Variants in PPP1R12A observed in about 807,000 individuals in gnomAD.
PPP1R12A encodes myosin binding subunit.
A neutral mutation model predicts 139.6 loss-of-function variants in PPP1R12A; 19 were observed. The ratio of observed to expected loss-of-function variants is 0.14; its 90% CI spans 0.09 to 0.20. The LOEUF (loss-of-function observed/expected upper bound fraction) is 0.20, where lower values mean the gene tolerates loss of function less well. PPP1R12A is among the 10% of genes least tolerant of loss of function. The pLI, the probability that PPP1R12A is intolerant of heterozygous loss-of-function variation, is 1.00. For synonymous variants in PPP1R12A, 427 were observed against 420.6 expected, an observed-to-expected ratio of 1.02 and a Z score of -0.19; for missense variants, 925 against 1,211.5, an observed-to-expected ratio of 0.76 and a Z score of 3.51.
intron 2 of PPP1R12A, among the ~76,000 whole-genome samples, chr12:79,849,998 A>AC (rs1177682899): frequency 6.6e-6 from 1 of 152,056 alleles, no homozygotes; most frequent in Non-Finnish European, 1.5e-5. Flanking sequence ...TAAATTTAAA[A>AC]AAAAAAAAAT....
At chr12:79,933,088 A>T (rs188373488) in intron 1 of PPP1R12A, among the ~76,000 whole-genome samples, 332 of 152,326 alleles carry the variant, frequency 2.2e-3, no homozygotes, top group Middle Eastern at 0.01. Context: ...TGGTTTTAAA[A>T]TTTTACGAGT....
intron 2 of PPP1R12A, among the ~76,000 whole-genome samples, chr12:79,854,078 T>G (rs1475942555): frequency 6.6e-6 from 1 of 152,290 alleles, no homozygotes; most frequent in East Asian, 1.9e-4. Context: ...GTCTGAAAAC[T>G]TTATGTTGAT....
At chr12:79,872,754 A>T (rs778307986) in intron 2 of PPP1R12A, 54 bp downstream of exon 2, 9 of 1,562,352 alleles carry the variant, frequency 5.8e-6, no homozygotes, top group Non-Finnish European at 7.9e-6. Flanking sequence ...TTCAATAAAC[A>T]TTCAGGTCTG....
chr12:79,797,153 T>A, intron 16 of PPP1R12A, 42 bp downstream of exon 16: 2 of 1,482,340 alleles, frequency 1.3e-6, no homozygotes, highest in East Asian at 4.6e-5. Flanking sequence ...ATAAGGACTA[T>A]TCATACCATT....
chr12:79,817,839 G>A (rs544132687), intron 8 of PPP1R12A, among the ~76,000 whole-genome samples: 1 of 152,290 alleles, frequency 6.6e-6, no homozygotes, highest in South Asian at 2.1e-4. Flanking sequence ...ATGCATGAAT[G>A]CAATGTAACT....
At chr12:79,912,692 TAA>T (rs77850230) in intron 1 of PPP1R12A, among the ~76,000 whole-genome samples, 54 of 134,170 alleles carry the variant, frequency 4.0e-4, no homozygotes, top group Admixed American at 3.7e-4. Flanking sequence ...AAGCCTGATT[TAA>T]AAAAAAAAAA....
At chr12:79,895,071 G>A (rs116612804) in intron 1 of PPP1R12A, among the ~76,000 whole-genome samples, 1,878 of 152,250 alleles carry the variant, frequency 0.012, 23 homozygotes, top group African/African-American at 0.041. Context: ...TACAACTTCT[G>A]TGTCAGTTCT....
At chr12:79,798,630 G>C (rs1872738802) in intron 14 of PPP1R12A, 46 bp from the exon 15 acceptor site, 1 of 1,111,256 alleles carries the variant, frequency 9.0e-7, no homozygotes, top group South Asian at 1.6e-5. Flanking sequence ...TACAATACCT[G>C]TGAATGTAAA....
intron 2 of PPP1R12A, among the ~76,000 whole-genome samples, chr12:79,872,205 T>C (rs890662596): frequency 4.6e-5 from 7 of 152,118 alleles, no homozygotes; most frequent in African/African-American, 4.8e-5. Context: ...TGTGGATAGA[T>C]AGTAATAAGA....
intron 1 of PPP1R12A, among the ~76,000 whole-genome samples, chr12:79,904,147 G>A (rs1029374359): frequency 2.0e-5 from 3 of 151,750 alleles, no homozygotes; most frequent in Non-Finnish European, 4.4e-5. Context: ...CCCGGGAGGT[G>A]GAGGTTGTGG....
intron 1 of PPP1R12A, among the ~76,000 whole-genome samples, chr12:79,933,389 C>CT (rs991465837): frequency 2.0e-5 from 3 of 152,116 alleles, no homozygotes; most frequent in African/African-American, 4.8e-5. Context: ...CACTACACAC[C>CT]TTTTTTTTAA....
chr12:79,813,798 T>G (rs1874903852), intron 9 of PPP1R12A, among the ~76,000 whole-genome samples: 1 of 152,210 alleles, frequency 6.6e-6, no homozygotes, highest in Admixed American at 6.5e-5. Context: ...ACATCTATCT[T>G]TCACCATAGT....
chr12:79,854,207 CTG>C (rs1177576862), intron 2 of PPP1R12A, among the ~76,000 whole-genome samples: 2 of 151,892 alleles, frequency 1.3e-5, no homozygotes, highest in African/African-American at 2.4e-5. Context: ...GAGAATGATA[CTG>C]TGTGTGTGTG....
At chr12:79,840,101 GA>G (rs1240663737) in intron 3 of PPP1R12A, among the ~76,000 whole-genome samples, 3 of 152,130 alleles carry the variant, frequency 2.0e-5, no homozygotes, top group Non-Finnish European at 2.9e-5. Context: ...GTGGGCTCAA[GA>G]TATCTGTCTT....
chr12:79,795,239 A>G (rs1242558671), intron 18 of PPP1R12A, among the ~76,000 whole-genome samples: 1 of 152,140 alleles, frequency 6.6e-6, no homozygotes, highest in African/African-American at 2.4e-5. Context: ...CACTGTGTCT[A>G]TTTAGCATGC....
At chr12:79,848,002 G>C (rs1879608521) in intron 2 of PPP1R12A, among the ~76,000 whole-genome samples, 1 of 152,160 alleles carries the variant, frequency 6.6e-6, no homozygotes, top group South Asian at 2.1e-4. Flanking sequence ...GAGGAAGAGA[G>C]ATTTGTATTG....
At chr12:79,845,525 G>GCAGT in intron 2 of PPP1R12A, 105 bp from the exon 3 acceptor site, 1 of 774,596 alleles carries the variant, frequency 1.3e-6, no homozygotes, top group East Asian at 2.7e-5. Context: ...GCAATAAAGG[G>GCAGT]CAGTATATAC....
At chr12:79,789,928 T>C (rs537008871) in intron 20 of PPP1R12A, among the ~76,000 whole-genome samples, 4 of 151,850 alleles carry the variant, frequency 2.6e-5, no homozygotes, top group East Asian at 3.9e-4. Flanking sequence ...TAGAGGAGCA[T>C]ACAGTTATGC....
chr12:79,900,385 T>C (rs1372626568), intron 1 of PPP1R12A, among the ~76,000 whole-genome samples: 1 of 152,156 alleles, frequency 6.6e-6, no homozygotes, highest in African/African-American at 2.4e-5. Context: ...AGTGCAGGGA[T>C]TTTTGTCTGC....
Sources: gnomAD v4.1 joint callset for allele counts (sites outside exome capture counted in the v4.1 genomes callset) on GRCh38, gnomAD v4.1.1 for gene constraint, MANE v1.5 for transcripts, NCBI Gene and HGNC (gene_info 2026-07-23, HGNC 2026-07-21) for gene names.